Variants in BAHD1 observed in about 807,000 individuals in gnomAD.
BAHD1 encodes the protein bromo adjacent homology domain containing 1.
A neutral mutation model predicts 63.1 loss-of-function variants in BAHD1; 20 were observed. The ratio of observed to expected loss-of-function variants is 0.32; its 90% CI spans 0.22 to 0.46. The LOEUF (loss-of-function observed/expected upper bound fraction) is 0.46. BAHD1 is among the 20% of genes least tolerant of loss of function. The pLI is 1.00. For missense variants in BAHD1, 939 were observed against 1,071.8 expected, an observed-to-expected ratio of 0.88 and a Z score of 1.73; for synonymous variants, 408 against 426.8, an observed-to-expected ratio of 0.96 and a Z score of 0.54.
At chr15:40,461,575 G>A (rs1406459090) in intron 2 of BAHD1, among the ~76,000 whole-genome samples, 1 of 152,036 alleles carries the variant, frequency 6.6e-6, no homozygotes, top group African/African-American at 2.4e-5. Flanking sequence ...GAGAGGCGGA[G>A]GTTGCAGTGA....
At chr15:40,447,713 T>A (rs981867545) in intron 1 of BAHD1, among the ~76,000 whole-genome samples, 3 of 152,116 alleles carry the variant, frequency 2.0e-5, no homozygotes, top group Non-Finnish European at 2.9e-5. Flanking sequence ...GCAGTTAATA[T>A]GTCTTTGCAT....
chr15:40,464,089 C>T (rs1894132340), intron 4 of BAHD1, 69 bp downstream of exon 4: 1 of 1,553,102 alleles, frequency 6.4e-7, no homozygotes, highest in Non-Finnish European at 8.8e-7. Flanking sequence ...CCCAGATTGG[C>T]CCCTGCCTGG....
intron 1 of BAHD1, among the ~76,000 whole-genome samples, chr15:40,444,905 C>G (rs935953695): frequency 6.6e-6 from 1 of 152,096 alleles, no homozygotes; most frequent in Non-Finnish European, 1.5e-5. Flanking sequence ...TTCCCTTCTA[C>G]GCGGGAAGGC....
chr15:40,446,820 C>T (rs1275281826), intron 1 of BAHD1, among the ~76,000 whole-genome samples: 1 of 152,140 alleles, frequency 6.6e-6, no homozygotes. Flanking sequence ...GTCTTTCTGC[C>T]GTTCTCTTGA....
chr15:40,438,961 A>G (rs544994014), upstream of BAHD1, among the ~76,000 whole-genome samples: 1 of 152,074 alleles, frequency 6.6e-6, no homozygotes, highest in African/African-American at 2.4e-5. Flanking sequence ...TCCACCACCA[A>G]TCTCTGACGA....
At position 40,468,208 on chromosome 15, in the gene BAHD1, T is replaced by A. The variant is rs1246449110; in HGVS notation, c.*2078T>A. 2 of 152,488 alleles carry A rather than the reference T, an allele frequency of 1.3e-5. No individual in the cohort carries two copies. Among genetic ancestry groups the A allele is most frequent in the African/African-American group, 4.8e-5 (2 of 41,388 alleles). 9.4% of individuals were successfully genotyped at this position (152,488 alleles called of 1,614,324 possible). A position where few individuals can be genotyped will look rare whatever the true frequency, so the allele number is the denominator to read the frequency against. Reference sequence around the variant, plus strand: ...GTACTTCTTTAAGAAAAAAATAAATTTGAGAAATTGTATTGATTTAGAAAA... The same window carrying A: ...GTACTTCTTTAAGAAAAAAATAAATATGAGAAATTGTATTGATTTAGAAAA... On this transcript the variant is annotated 3_prime_UTR_variant, in exon 7 of 7. Transcript: ENST00000416165.
intron 1 of BAHD1, among the ~76,000 whole-genome samples, chr15:40,456,494 A>G (rs537442202): frequency 1.2e-4 from 19 of 152,366 alleles, no homozygotes; most frequent in African/African-American, 4.3e-4. Context: ...AAAGCCTGGC[A>G]CGCTGCCTCT....
In BAHD1 at chr15:40,466,241, G is replaced by A. The variant is rs1894202184; in HGVS notation, c.*111G>A. 6 of 755,068 alleles carry A rather than the reference G, an allele frequency of 7.9e-6. No individual in the cohort carries two copies. The highest frequency in any genetic ancestry group is 1.0e-5 in the Non-Finnish European group (5 of 500,774). The allele number at this position is 755,068 out of a possible 1,614,324, so 46.8% of individuals were successfully genotyped here. A position where few individuals can be genotyped will look rare whatever the true frequency, so the allele number is the denominator to read the frequency against. ...GGGCCACAGAGGCCTAAGTTTGCTGGCCTGTGGTTTTCTTGGGGGGGAGGG... is the reference window on the plus strand; with the variant it reads ...GGGCCACAGAGGCCTAAGTTTGCTGACCTGTGGTTTTCTTGGGGGGGAGGG... On this transcript the variant is annotated 3_prime_UTR_variant, in exon 7 of 7. Transcript: ENST00000416165.
chr15:40,459,501 C>G lies in BAHD1; in HGVS notation c.1037C>G (p.Ser346Cys). Residue 346 changes from serine to cysteine, a missense_variant, in exon 2 of 7, where the codon TCT becomes TGT. By Grantham distance (112) the Ser-to-Cys change is moderately radical. Transcript: ENST00000416165. ...PAPKQELHQP[S>C]FPTPQLSPLP... ...CCTAAGCAGGAACTGCATCAGCCCTCTTTCCCCACACCTCAGCTGTCGCCG... is the reference window on the plus strand; with the variant it reads ...CCTAAGCAGGAACTGCATCAGCCCTGTTTCCCCACACCTCAGCTGTCGCCG... The G allele has an allele frequency of 1.2e-6, 2 of 1,614,116 alleles. No individual in the cohort carries two copies. The highest frequency in any genetic ancestry group is 1.7e-6 in the Non-Finnish European group (2 of 1,180,046).
At chr15:40,438,970 G>C (rs563278748), upstream of BAHD1, among the ~76,000 whole-genome samples, 249 of 152,324 alleles carry the variant, frequency 1.6e-3, 2 homozygotes, top group Non-Finnish European at 2.8e-3. Context: ...AATCTCTGAC[G>C]AGTGGGGGCC....
chr15:40,464,336 G>A, intron 4 of BAHD1, 135 bp from the exon 5 acceptor site: 1 of 762,214 alleles, frequency 1.3e-6, no homozygotes. Context: ...GCTTGGCCTG[G>A]GGCAGGGGAC....
chr15:40,465,860 C>T (rs759906062), intron 6 of BAHD1, 81 bp from the exon 7 acceptor site: 120 of 1,409,396 alleles, frequency 8.5e-5, no homozygotes, highest in Non-Finnish European at 1.0e-4. Flanking sequence ...CTCTCTGGGT[C>T]GGGTAGGGTA....
intron 1 of BAHD1, among the ~76,000 whole-genome samples, chr15:40,447,607 T>C (rs1010672570): frequency 7.3e-6 from 1 of 136,960 alleles, no homozygotes. Context: ...AATAAATAAA[T>C]AAATAAAAAT....
chr15:40,463,855 G>T lies in BAHD1; in HGVS notation c.1816-6G>T. The T allele has an allele frequency of 6.2e-7, 1 of 1,614,020 alleles. No homozygotes were observed. The highest frequency in any genetic ancestry group is 8.5e-7 in the Non-Finnish European group (1 of 1,179,932). On this transcript the variant is annotated splice_polypyrimidine_tract_variant and splice_region_variant and intron_variant, in intron 3 of 6. Coordinates refer to ENST00000416165, the MANE Select transcript of BAHD1 (RefSeq NM_014952.5). Reference sequence around the variant, plus strand: ...AGCCTATTTGTGTCATTGGTTTGTTGCCTAGGATGAGCCGGAGCCAGCCAT... The same window carrying T: ...AGCCTATTTGTGTCATTGGTTTGTTTCCTAGGATGAGCCGGAGCCAGCCAT...
At chr15:40,441,774 C>G (rs1312024703) in intron 1 of BAHD1, among the ~76,000 whole-genome samples, 5 of 150,632 alleles carry the variant, frequency 3.3e-5, no homozygotes, top group African/African-American at 1.2e-4. Flanking sequence ...CGGCCGGGGG[C>G]GGCGCCGCGG....
chr15:40,452,096 G>A (rs758023435), intron 1 of BAHD1, among the ~76,000 whole-genome samples: 9 of 152,314 alleles, frequency 5.9e-5, no homozygotes, highest in Non-Finnish European at 7.4e-5. Flanking sequence ...CACCAGACCC[G>A]AGGGCAGTCT....
upstream of BAHD1, among the ~76,000 whole-genome samples, chr15:40,437,963 G>A (rs1218622639): frequency 6.6e-6 from 1 of 152,206 alleles, no homozygotes; most frequent in African/African-American, 2.4e-5. Context: ...AACCCTTCCC[G>A]ATGGGTCTGG....
At chr15:40,454,607 T>G (rs1893796938) in intron 1 of BAHD1, 1 of 152,104 alleles carries the variant, frequency 6.6e-6, no homozygotes, top group Admixed American at 6.6e-5. Flanking sequence ...ATCAGACTGG[T>G]TTTCTCCAGT....
intron 1 of BAHD1, among the ~76,000 whole-genome samples, chr15:40,449,294 A>G (rs777310572): frequency 1.3e-5 from 2 of 152,244 alleles, no homozygotes; most frequent in African/African-American, 2.4e-5. Flanking sequence ...TCACCTCTGC[A>G]GTGAATCAGA....
Sources: allele counts gnomAD v4.1 joint callset (sites outside exome capture counted in the v4.1 genomes callset), GRCh38; gene constraint gnomAD v4.1.1; transcripts MANE v1.5; gene names NCBI Gene and HGNC (gene_info 2026-07-23, HGNC 2026-07-21).